Variants in CDH12 observed in about 807,000 individuals in gnomAD.
CDH12 encodes cadherin-12.
In CDH12, 41 loss-of-function variants were observed where a neutral mutation model predicts 74.1. That is an observed-to-expected ratio of 0.55 (90% confidence interval 0.43 to 0.72). The LOEUF is 0.72. Ranked by LOEUF, CDH12 falls within the 30% of genes least tolerant of loss-of-function variation. The probability of loss-of-function intolerance (pLI) is 0.00; values close to 1 mark genes in which losing one functional copy is unlikely to be tolerated. For missense variants in CDH12, 945 were observed against 977.2 expected, an observed-to-expected ratio of 0.97 and a Z score of 0.44; for synonymous variants, 399 against 355.0, an observed-to-expected ratio of 1.12 and a Z score of -1.39.
chr5:22,403,670 T>G (rs765086237), intron 3 of CDH12, among the ~76,000 whole-genome samples: 86 of 152,304 alleles, frequency 5.6e-4, no homozygotes, highest in Admixed American at 2.5e-3. Context: ...AGAATTAACA[T>G]GAACACAGCC....
At chr5:22,476,974 T>C (rs1301027607) in intron 2 of CDH12, among the ~76,000 whole-genome samples, 3 of 152,160 alleles carry the variant, frequency 2.0e-5, no homozygotes, top group Non-Finnish European at 4.4e-5. Flanking sequence ...ACCAAAAATC[T>C]GCCCCAAGGC....
intron 4 of CDH12, among the ~76,000 whole-genome samples, chr5:22,154,041 AATT>A (rs1389800716): frequency 2.7e-5 from 4 of 149,520 alleles, no homozygotes; most frequent in Non-Finnish European, 4.4e-5. Context: ...TCGTCTGGCC[AATT>A]ATTATTATTA....
At chr5:22,717,021 G>A (rs1263194708) in intron 1 of CDH12, among the ~76,000 whole-genome samples, 1 of 152,128 alleles carries the variant, frequency 6.6e-6, no homozygotes, top group Admixed American at 6.6e-5. Flanking sequence ...ATATTAAAAT[G>A]TTTGTAAAGT....
chr5:21,935,905 T>C (rs1755054201), intron 6 of CDH12, among the ~76,000 whole-genome samples: 1 of 152,200 alleles, frequency 6.6e-6, no homozygotes, highest in African/African-American at 2.4e-5. Context: ...TCTATCCACA[T>C]TGTAGCAAAT....
intron 4 of CDH12, among the ~76,000 whole-genome samples, chr5:22,185,590 A>G (rs1749897467): frequency 6.6e-6 from 1 of 152,194 alleles, no homozygotes; most frequent in African/African-American, 2.4e-5. Context: ...TGTAGATGAC[A>G]TTATTTACTA....
intron 2 of CDH12, among the ~76,000 whole-genome samples, chr5:22,416,175 C>T (rs1347068896): frequency 3.7e-5 from 5 of 134,594 alleles, no homozygotes; most frequent in East Asian, 4.7e-4. Flanking sequence ...CCCAGGTTCA[C>T]GCCATTCTCC....
chr5:22,595,287 G>A (rs1026714308), intron 1 of CDH12, among the ~76,000 whole-genome samples: 2 of 152,086 alleles, frequency 1.3e-5, no homozygotes, highest in African/African-American at 2.4e-5. Flanking sequence ...AACACTAAGA[G>A]CATATCTGAC....
intron 6 of CDH12, among the ~76,000 whole-genome samples, chr5:21,897,732 C>T (rs1012207400): frequency 4.6e-5 from 7 of 152,066 alleles, no homozygotes; most frequent in Non-Finnish European, 1.0e-4. Context: ...CTCAAGGTTA[C>T]AAAACATATT....
At chr5:21,926,729 A>C (rs1754599069) in intron 6 of CDH12, among the ~76,000 whole-genome samples, 1 of 152,170 alleles carries the variant, frequency 6.6e-6, no homozygotes. Context: ...AAGAAGAAAA[A>C]ATAGAGATTA....
chr5:22,455,006 A>G (rs1745207229), intron 2 of CDH12, among the ~76,000 whole-genome samples: 1 of 152,224 alleles, frequency 6.6e-6, no homozygotes. Context: ...ATGAAGAAGT[A>G]GAAGAAAATG....
chr5:21,838,500 C>T (rs1749664167), intron 8 of CDH12, among the ~76,000 whole-genome samples: 1 of 152,110 alleles, frequency 6.6e-6, no homozygotes, highest in South Asian at 2.1e-4. Flanking sequence ...GCGGAGGTGG[C>T]AGTGAGCCGA....
chr5:22,308,933 A>C (rs866686811), intron 3 of CDH12, among the ~76,000 whole-genome samples: 3 of 102,126 alleles, frequency 2.9e-5, no homozygotes, highest in Admixed American at 1.1e-4. Flanking sequence ...GAGAGAGAGA[A>C]AGAGAGAGAG....
chr5:21,753,857 T>C (rs1336987491), intron 14 of CDH12, among the ~76,000 whole-genome samples: 1 of 152,158 alleles, frequency 6.6e-6, no homozygotes, highest in Non-Finnish European at 1.5e-5. Context: ...TACCAAGCCA[T>C]GTTAGGTTGA....
intron 3 of CDH12, among the ~76,000 whole-genome samples, chr5:22,279,839 G>A (rs751244144): frequency 5.9e-4 from 90 of 152,100 alleles, no homozygotes; most frequent in Non-Finnish European, 9.0e-4. Context: ...ATAAACATAC[G>A]AGTGCATGTG....
At position 21,996,186 on chromosome 5, in the gene CDH12, A is replaced by C. The variant is rs368622876; in HGVS notation, c.232-20801T>G. On this transcript the variant is annotated intron_variant, in intron 5 of 14. Transcript: ENST00000382254. ...TCTTTCTCGTACTAGAACTATTTCT[A>C]CTACGATTCTTGAGCTGGCCATTCT... Among the ~76,000 whole-genome samples, 508 of 138,124 alleles carry C rather than the reference A, an allele frequency of 3.7e-3. 2 individuals are homozygous for C. The highest frequency in any genetic ancestry group is 6.5e-3 in the Non-Finnish European group (426 of 65,990). The allele number at this position is 138,124 out of a possible 152,430, so 90.6% of individuals were successfully genotyped here.
At chr5:22,268,788 T>C (rs1736250716) in intron 3 of CDH12, among the ~76,000 whole-genome samples, 1 of 152,142 alleles carries the variant, frequency 6.6e-6, no homozygotes, top group Non-Finnish European at 1.5e-5. Context: ...GAAAGAATCA[T>C]AGCTTTTAAT....
At chr5:22,222,460 T>C (rs1010516084) in intron 3 of CDH12, among the ~76,000 whole-genome samples, 2 of 151,974 alleles carry the variant, frequency 1.3e-5, no homozygotes, top group African/African-American at 4.8e-5. Flanking sequence ...TATTTTATAA[T>C]GACAAGCCAA....
chr5:21,914,680 G>T (rs1222285917), intron 6 of CDH12, among the ~76,000 whole-genome samples: 1 of 152,000 alleles, frequency 6.6e-6, no homozygotes, highest in Non-Finnish European at 1.5e-5. Context: ...CTCTATTTTT[G>T]CCCTTATAAC....
intron 3 of CDH12, among the ~76,000 whole-genome samples, chr5:22,384,144 T>C (rs527980044): frequency 3.3e-5 from 5 of 152,334 alleles, no homozygotes; most frequent in African/African-American, 1.2e-4. Flanking sequence ...CTCATTTTTC[T>C]CTTCTAAGGA....
Sources: allele counts gnomAD v4.1 joint callset (sites outside exome capture counted in the v4.1 genomes callset), GRCh38; gene constraint gnomAD v4.1.1; transcripts MANE v1.5; gene names NCBI Gene and HGNC (gene_info 2026-07-23, HGNC 2026-07-21).